The following RIC3 variants were observed in gnomAD, a reference collection of about 807,000 sequenced individuals.
RIC3 encodes RIC3 acetylcholine receptor chaperone.
RIC3 carries 28 observed loss-of-function variants against 27.3 expected under a neutral mutation model. That is an observed-to-expected ratio of 1.02 (90% CI 0.76 to 1.41). RIC3 has a LOEUF of 1.41. RIC3 is among the 40% of genes most tolerant of loss of function. The pLI is 0.00. For missense variants in RIC3, 501 were observed against 444.7 expected (o/e 1.13, Z -1.14); for synonymous variants, 184 against 160.4 (o/e 1.15, Z -1.11).
chr11:8,132,917 A>G (rs1417477736), intron 4 of RIC3, among the ~76,000 whole-genome samples: 1 of 152,246 alleles, frequency 6.6e-6, no homozygotes, highest in Admixed American at 6.5e-5. Context: ...AGGTTAAAGG[A>G]CACAAACTGT....
chr11:8,105,103 T>C (rs1564933590), downstream of RIC3: 1 of 152,174 alleles, frequency 6.6e-6, no homozygotes, highest in South Asian at 2.1e-4. Context: ...GGATAGCCAT[T>C]TCCATGGCTC....
intron 5 of RIC3, among the ~76,000 whole-genome samples, chr11:8,123,405 G>A (rs1298517704): frequency 2.0e-5 from 3 of 151,852 alleles, no homozygotes; most frequent in African/African-American, 7.3e-5. Flanking sequence ...AGAAACACAA[G>A]TCAATGAAAT....
At chr11:8,104,064 G>A (rs892846825), downstream of RIC3, 1 of 152,222 alleles carries the variant, frequency 6.6e-6, no homozygotes, top group African/African-American at 2.4e-5. Context: ...GGTGATCCTG[G>A]TTTTCCTTGA....
At chr11:8,115,218 T>A (rs1307144717) in intron 5 of RIC3, among the ~76,000 whole-genome samples, 3 of 151,536 alleles carry the variant, frequency 2.0e-5, no homozygotes, top group African/African-American at 7.3e-5. Context: ...CATCACATTA[T>A]AAGGGAGTTC....
the RIC3 span, chr11:8,100,989 G>T: frequency 6.2e-7 from 1 of 1,614,102 alleles, no homozygotes; most frequent in Non-Finnish European, 8.5e-7. Context: ...ATCATCCATG[G>T]CAATGACCGT....
At chr11:8,132,202 G>A (rs1472503612) in intron 4 of RIC3, among the ~76,000 whole-genome samples, 4 of 152,176 alleles carry the variant, frequency 2.6e-5, no homozygotes, top group Non-Finnish European at 5.9e-5. Context: ...AATACAGCCT[G>A]TGATTTTTTT....
intron 1 of RIC3, among the ~76,000 whole-genome samples, chr11:8,147,723 GA>G (rs1565088565): frequency 4.3e-5 from 6 of 140,860 alleles, no homozygotes; most frequent in Admixed American, 1.4e-4. Context: ...ACTTGCGTAA[GA>G]TTTTTTTTTT....
At chr11:8,145,834 T>C (rs767015514) in intron 1 of RIC3, among the ~76,000 whole-genome samples, 1 of 152,076 alleles carries the variant, frequency 6.6e-6, no homozygotes, top group Non-Finnish European at 1.5e-5. Context: ...AATAACACTC[T>C]AAATAAATAA....
chr11:8,139,405 C>A (rs1334973001), intron 2 of RIC3: 1 of 155,920 alleles, frequency 6.4e-6, no homozygotes, highest in Admixed American at 6.3e-5. Context: ...CCCATGTCTC[C>A]CCAGAGCTAG....
chr11:8,140,146 A>C lies in RIC3; in HGVS notation c.172T>G (p.Ser58Ala), dbSNP rs1226653602. 1.2e-6 allele frequency: 2 copies of C among 1,614,062 alleles called. No homozygotes were observed. Among genetic ancestry groups the C allele is most frequent in the Non-Finnish European group, 1.7e-6 (2 of 1,180,012 alleles). ...PPMMHHHQAPSDGQTPGARFQ... is the reference protein window; with the variant it reads ...PPMMHHHQAPADGQTPGARFQ... ...CGAGCCCCAGGAGTCTGGCCATCTG[A>C]GGGTGCCTGGTGATGATGCATCATA... Residue 58 changes from serine to alanine, a missense_variant, in exon 2 of 6, where the codon TCA becomes GCA. Transcript: ENST00000309737.
rs1488942315 is a variant in RIC3, at chr11:8,110,000, G to A, written c.*698C>T. 1 of 154,084 alleles carries A rather than the reference G, an allele frequency of 6.5e-6. No homozygotes were observed. Among genetic ancestry groups the A allele is most frequent in the Non-Finnish European group, 1.4e-5 (1 of 69,466 alleles). 9.5% of individuals were successfully genotyped at this position (154,084 alleles called of 1,614,324 possible). On this transcript the variant is annotated 3_prime_UTR_variant, in exon 6 of 6. Transcript: ENST00000309737. ...TTGGCAGTTCTGTTAAGCAGAACAG[G>A]GGTAAAGGAAGCTAGATATCCAGGT...
intron 1 of RIC3, among the ~76,000 whole-genome samples, chr11:8,158,471 T>C (rs1950872828): frequency 6.6e-6 from 1 of 152,054 alleles, no homozygotes; most frequent in Admixed American, 6.5e-5. Flanking sequence ...CACTGTCATC[T>C]TGGAGTACTT....
the RIC3 span, chr11:8,098,647 C>T: frequency 1.3e-6 from 1 of 780,050 alleles, no homozygotes; most frequent in Non-Finnish European, 2.2e-6. Flanking sequence ...TGGGCCTGCT[C>T]CTGTTCCAGC....
chr11:8,155,404 C>T (rs1009292237), intron 1 of RIC3, among the ~76,000 whole-genome samples: 7 of 151,792 alleles, frequency 4.6e-5, no homozygotes, highest in African/African-American at 4.8e-5. Context: ...GGTGAAACTC[C>T]GTCTCTACTA....
chr11:8,165,940 A>C (rs1951658102), intron 1 of RIC3, among the ~76,000 whole-genome samples: 1 of 151,750 alleles, frequency 6.6e-6, no homozygotes, highest in Non-Finnish European at 1.5e-5. Context: ...CACCATGCCC[A>C]GCTAATTGAA....
In RIC3 at chr11:8,107,453, G is replaced by A. The variant is rs1416289317; in HGVS notation, c.*3245C>T. The A allele has an allele frequency of 6.6e-6, 1 of 152,198 alleles. No homozygotes were observed. Among genetic ancestry groups the A allele is most frequent in the Non-Finnish European group, 1.5e-5 (1 of 68,032 alleles). The allele number at this position is 152,198 out of a possible 1,614,324, so 9.4% of individuals were successfully genotyped here. A position where few individuals can be genotyped will look rare whatever the true frequency, so the allele number is the denominator to read the frequency against. ...GTCATCAGGTTCAAAAATCTTAAAT[G>A]GCTATAGACAGGGGTGACCCTACGT... On this transcript the variant is annotated 3_prime_UTR_variant, in exon 6 of 6. Coordinates refer to ENST00000309737, the MANE Select transcript of RIC3 (RefSeq NM_001206671.4).
At chr11:8,121,428 T>C (rs1946433539) in intron 5 of RIC3, among the ~76,000 whole-genome samples, 1 of 152,116 alleles carries the variant, frequency 6.6e-6, no homozygotes, top group South Asian at 2.1e-4. Context: ...ATATATTAAA[T>C]ATATCCACCA....
chr11:8,160,373 A>C (rs1951062364), intron 1 of RIC3, among the ~76,000 whole-genome samples: 1 of 152,260 alleles, frequency 6.6e-6, no homozygotes, highest in Non-Finnish European at 1.5e-5. Flanking sequence ...TGTCTTTAAC[A>C]AAAAGTTTTT....
At chr11:8,128,750 CTT>C (rs1177448703) in intron 4 of RIC3, among the ~76,000 whole-genome samples, 23 of 88,492 alleles carry the variant, frequency 2.6e-4, no homozygotes, top group African/African-American at 9.6e-4. Context: ...GTTGCAAAAA[CTT>C]TTTTTTTTTT....
Sources: gnomAD v4.1 joint callset for allele counts (sites outside exome capture counted in the v4.1 genomes callset) on GRCh38, gnomAD v4.1.1 for gene constraint, MANE v1.5 for transcripts, NCBI Gene and HGNC (gene_info 2026-07-23, HGNC 2026-07-21) for gene names.